The following ZFYVE21 variants were observed in gnomAD, a reference collection of about 807,000 sequenced individuals.
ZFYVE21 encodes the protein zinc finger FYVE-type containing 21, also known as zinc finger FYVE domain-containing protein 21.
Under a neutral mutation model 29.5 loss-of-function variants are expected in ZFYVE21, and 21 were observed. The observed-to-expected ratio is 0.71, with a 90% CI of 0.50 to 1.02. The LOEUF (loss-of-function observed/expected upper bound fraction) is 1.02. Among genes scored for constraint, ZFYVE21 ranks in the 50% least tolerant of loss-of-function variants. The probability of loss-of-function intolerance (pLI) is 0.00; values close to 1 mark genes in which losing one functional copy is unlikely to be tolerated. For missense variants in ZFYVE21, 326 were observed against 335.4 expected (o/e 0.97, Z 0.22); for synonymous variants, 151 against 133.8 (o/e 1.13, Z -0.89).
Position 103,733,121 on chromosome 14 carries a change from T to G in ZFYVE21, c.*103T>G. 1 of 1,466,084 alleles carries G rather than the reference T, an allele frequency of 6.8e-7. No individual in the cohort carries two copies. The highest frequency in any genetic ancestry group is 1.2e-5 in the South Asian group (1 of 84,954). The allele number at this position is 1,466,084 out of a possible 1,614,324, so 90.8% of individuals were successfully genotyped here. On this transcript the variant is annotated 3_prime_UTR_variant, in exon 7 of 7. Transcript: ENST00000311141. ...GTACCACAGGGATTAATCCTGCTTG[T>G]GCTGGGAAATGCAACTCACTCATGT...
In ZFYVE21 at chr14:103,715,825, G is replaced by A. The variant is rs906458996; in HGVS notation, c.-17G>A. The stretch of plus-strand genomic sequence containing the variant: ...GGCCGGGTGCGGGGCCGCTGGCCGA[G>A]AGGCTGAGGCGGCGTCATGTCCTCC... On this transcript the variant is annotated 5_prime_UTR_variant, in exon 1 of 7. Coordinates refer to ENST00000311141, the MANE Select transcript of ZFYVE21 (RefSeq NM_024071.4). 1 of 1,370,620 alleles carries A rather than the reference G, an allele frequency of 7.3e-7. No individual in the cohort carries two copies. Among genetic ancestry groups the A allele is most frequent in the Non-Finnish European group, 9.5e-7 (1 of 1,054,212 alleles). 84.9% of individuals were successfully genotyped at this position (1,370,620 alleles called of 1,614,324 possible).
chr14:103,722,749 G>A (rs1244111883), intron 1 of ZFYVE21, among the ~76,000 whole-genome samples: 1 of 151,992 alleles, frequency 6.6e-6, no homozygotes, highest in African/African-American at 2.4e-5. Context: ...AACCCGGGAG[G>A]CGGAGCTTGC....
chr14:103,722,127 G>A (rs888804123), intron 1 of ZFYVE21, among the ~76,000 whole-genome samples: 16 of 152,298 alleles, frequency 1.1e-4, no homozygotes, highest in East Asian at 3.9e-4. Context: ...GCTTACTGGC[G>A]GGGTAGGTAT....
At chr14:103,718,422 G>A (rs536808925) in intron 1 of ZFYVE21, among the ~76,000 whole-genome samples, 4 of 152,210 alleles carry the variant, frequency 2.6e-5, no homozygotes, top group South Asian at 2.1e-4. Context: ...ACCTTTCTCC[G>A]AGAGGTGGCC....
chr14:103,727,636 G>T, intron 2 of ZFYVE21, 110 bp from the exon 3 acceptor site: 1 of 1,416,570 alleles, frequency 7.1e-7, no homozygotes. Context: ...GGCCGGCACA[G>T]GGGCCTCGCG....
At chr14:103,717,460 A>G (rs2083836904) in intron 1 of ZFYVE21, among the ~76,000 whole-genome samples, 1 of 152,222 alleles carries the variant, frequency 6.6e-6, no homozygotes, top group Admixed American at 6.5e-5. Flanking sequence ...TGCTGTACAC[A>G]TGCACTGATC....
rs2084006870 is a variant in ZFYVE21 at position 103,733,433 on chromosome 14, G to A, written c.*415G>A. On this transcript the variant is annotated 3_prime_UTR_variant, in exon 7 of 7. Transcript: ENST00000311141. ...AGGCTTCTGGTCTGCAGTGGAGCCT[G>A]TTCGCCTCTAATAGCCAGTTTACAG... is the stretch of plus-strand genomic sequence containing the variant. 1 of 178,240 alleles carries A rather than the reference G, an allele frequency of 5.6e-6. No homozygotes were observed. Among genetic ancestry groups the A allele is most frequent in the African/African-American group, 2.4e-5 (1 of 41,880 alleles). 11.0% of individuals were successfully genotyped at this position (178,240 alleles called of 1,614,324 possible).
intron 1 of ZFYVE21, among the ~76,000 whole-genome samples, chr14:103,723,806 G>T (rs560724424): frequency 6.6e-6 from 1 of 152,380 alleles, no homozygotes; most frequent in Non-Finnish European, 1.5e-5. Flanking sequence ...GGCACCTGAT[G>T]TGGACTGTCT....
At chr14:103,718,580 G>C (rs2083847374) in intron 1 of ZFYVE21, among the ~76,000 whole-genome samples, 1 of 152,190 alleles carries the variant, frequency 6.6e-6, no homozygotes, top group South Asian at 2.1e-4. Flanking sequence ...AGGTGCTTTG[G>C]GGGTGTGAAG....
intron 1 of ZFYVE21, among the ~76,000 whole-genome samples, chr14:103,719,603 C>G (rs1010480850): frequency 5.3e-5 from 8 of 150,978 alleles, no homozygotes; most frequent in Non-Finnish European, 8.8e-5. Context: ...TCCTCTGGCT[C>G]GTATGGGGAG....
rs112965173 is a variant in ZFYVE21 at position 103,717,088 on chromosome 14, C to T, written c.138+1109C>T. 4.1e-3 allele frequency among the ~76,000 whole-genome samples: 617 copies of T among 152,188 alleles called. 5 individuals carry two copies. The highest frequency in any genetic ancestry group is 6.0e-3 in the Non-Finnish European group (409 of 68,010). ...GGTTGGAGGCCTGGTGGGGGGTGAG[C>T]GGCCACAGAGCCTCGGGGACAGGAC... On this transcript the variant is annotated intron_variant, in intron 1 of 6. Transcript: ENST00000311141.
In ZFYVE21 at chr14:103,729,178, T is replaced by A; in HGVS notation, c.522T>A (p.Pro174=). The A allele has an allele frequency of 6.2e-7, 1 of 1,614,098 alleles. No homozygotes were observed. The highest frequency in any genetic ancestry group is 8.5e-7 in the Non-Finnish European group (1 of 1,179,996). Residue 174 remains proline, a synonymous_variant, in exon 5 of 7, where the codon CCT becomes CCA. Coordinates refer to ENST00000311141, the MANE Select transcript of ZFYVE21 (RefSeq NM_024071.4). ...AGATCCTCACAGAAGGCTTCCCTCCTGGAGGTAAATGCCAGCACGTCCTTT... is the reference window on the plus strand; with the variant it reads ...AGATCCTCACAGAAGGCTTCCCTCCAGGAGGTAAATGCCAGCACGTCCTTT... ...TVQILTEGFP[P]GGGNARATGM... is the part of the protein sequence containing the mutation.
In ZFYVE21 at chr14:103,715,846, C is replaced by T. The variant is rs534812523; in HGVS notation, c.5C>T (p.Ser2Phe). 1.1e-5 allele frequency: 15 copies of T among 1,417,726 alleles called. No homozygotes were observed. Among genetic ancestry groups the T allele is most frequent in the South Asian group, 9.3e-5 (7 of 75,118 alleles). 87.8% of individuals were successfully genotyped at this position (1,417,726 alleles called of 1,614,324 possible). A position where few individuals can be genotyped will look rare whatever the true frequency, so the allele number is the denominator to read the frequency against. M[S>F]SEVSARRDAK... Reference sequence around the variant, plus strand: ...CCGAGAGGCTGAGGCGGCGTCATGTCCTCCGAGGTGTCCGCGCGCCGCGAC... The same window carrying T: ...CCGAGAGGCTGAGGCGGCGTCATGTTCTCCGAGGTGTCCGCGCGCCGCGAC... Residue 2 changes from serine to phenylalanine, a missense_variant, in exon 1 of 7, where the codon TCC becomes TTC. Transcript: ENST00000311141.
At chr14:103,725,870 C>A (rs957902705) in intron 1 of ZFYVE21, 2 of 152,312 alleles carry the variant, frequency 1.3e-5, no homozygotes, top group African/African-American at 2.4e-5. Flanking sequence ...CATGGGGCTT[C>A]AGGCCTGCTG....
At chr14:103,726,598 C>T (rs1296826724) in intron 1 of ZFYVE21, 194 bp from the exon 2 acceptor site, 1 of 678,916 alleles carries the variant, frequency 1.5e-6, no homozygotes, top group Non-Finnish European at 2.6e-6. Context: ...GCAGCCTGCA[C>T]CCCACCGCAT....
intron 1 of ZFYVE21, among the ~76,000 whole-genome samples, chr14:103,723,154 G>T (rs1007593032): frequency 6.6e-6 from 1 of 152,224 alleles, no homozygotes; most frequent in Non-Finnish European, 1.5e-5. Flanking sequence ...GTGGCCTCGT[G>T]TTTGCTTAAG....
chr14:103,732,931 C>T, intron 6 of ZFYVE21, 52 bp from the exon 7 acceptor site: 1 of 1,613,706 alleles, frequency 6.2e-7, no homozygotes, highest in Non-Finnish European at 8.5e-7. Flanking sequence ...CTTGGCTCCA[C>T]CAGGCACAGG....
intron 1 of ZFYVE21, among the ~76,000 whole-genome samples, chr14:103,718,697 G>A (rs1256307114): frequency 6.6e-6 from 1 of 152,192 alleles, no homozygotes; most frequent in Non-Finnish European, 1.5e-5. Context: ...GCAGCCATCT[G>A]GGCTTGTCAC....
intron 1 of ZFYVE21, chr14:103,724,520 G>T (rs149255692): frequency 6.6e-6 from 1 of 152,268 alleles, no homozygotes; most frequent in African/African-American, 2.4e-5. Context: ...GTTTATGCTC[G>T]CCAGGTAATT....
Sources: allele counts gnomAD v4.1 joint callset (sites outside exome capture counted in the v4.1 genomes callset), GRCh38; gene constraint gnomAD v4.1.1; transcripts MANE v1.5; gene names NCBI Gene and HGNC (gene_info 2026-07-23, HGNC 2026-07-21).